Variants in BCAR3 observed in about 807,000 individuals in gnomAD.
The protein encoded by BCAR3 is BCAR3 adaptor protein, NSP family member.
A neutral mutation model predicts 80.1 loss-of-function variants in BCAR3; 37 were observed. The ratio of observed to expected loss-of-function variants is 0.46; its 90% confidence interval spans 0.36 to 0.61. BCAR3 has a LOEUF of 0.61. Among genes scored for constraint, BCAR3 ranks in the 20% least tolerant of loss-of-function variants. The pLI is 0.00. For synonymous variants in BCAR3, 389 were observed against 418.9 expected (o/e 0.93, Z 0.87); for missense variants, 978 against 1,068.2 (o/e 0.92, Z 1.18).
intron 11 of BCAR3, among the ~76,000 whole-genome samples, chr1:93,566,878 C>A (rs1672973917): frequency 6.6e-6 from 1 of 152,142 alleles, no homozygotes; most frequent in African/African-American, 2.4e-5. Context: ...CAGGCACACA[C>A]CATCACGCCC....
intron 2 of BCAR3, among the ~76,000 whole-genome samples, chr1:93,774,369 A>G (rs1652464529): frequency 6.6e-6 from 1 of 152,040 alleles, no homozygotes; most frequent in Non-Finnish European, 1.5e-5. Context: ...CTGTAGTCCC[A>G]GCCACTCAGG....
At chr1:93,834,387 T>G (rs2100838863) in intron 2 of BCAR3, among the ~76,000 whole-genome samples, 1 of 152,222 alleles carries the variant, frequency 6.6e-6, no homozygotes, top group East Asian at 1.9e-4. Context: ...CTATTCTAGA[T>G]AAACCTAGCT....
chr1:93,568,027 A>T, intron 9 of BCAR3, 176 bp from the exon 10 acceptor site: 2 of 506,486 alleles, frequency 3.9e-6, no homozygotes, highest in African/African-American at 1.9e-5. Context: ...TCTCTACTCA[A>T]ATACAAAAAT....
rs541907285 is a variant in BCAR3, at chr1:93,644,163, C to A, written c.318-1820G>T. Among the ~76,000 whole-genome samples, 24 of 152,304 alleles carry A rather than the reference C, an allele frequency of 1.6e-4. No individual in the cohort carries two copies. The South Asian group carries it at 5.0e-3, about 32-fold the overall frequency. Reference sequence around the variant, plus strand: ...GTCCTTTGTGGGGGAAAATTTGCATCTGTAAAGAATCTCTAGTAACATAGC... The same window carrying A: ...GTCCTTTGTGGGGGAAAATTTGCATATGTAAAGAATCTCTAGTAACATAGC... On this transcript the variant is annotated intron_variant, in intron 2 of 11. Transcript: ENST00000260502.
chr1:93,614,321 T>C (rs942162155), intron 3 of BCAR3, among the ~76,000 whole-genome samples: 6 of 152,088 alleles, frequency 3.9e-5, no homozygotes, highest in Non-Finnish European at 1.5e-5. Context: ...ACCCAGAATT[T>C]CCTTCTGGGG....
chr1:93,576,116 A>G lies in BCAR3; in HGVS notation c.1700T>C (p.Leu567Pro), dbSNP rs150839082. The G allele has an allele frequency of 4.3e-6, 7 of 1,614,046 alleles. No homozygotes were observed. Among genetic ancestry groups the G allele is most frequent in the African/African-American group, 2.7e-5 (2 of 74,922 alleles). Residue 567 changes from leucine (L) to proline (P), a missense_variant, in exon 8 of 12, where the codon CTT (leucine) becomes CCT (proline). Leu to Pro is a moderately conservative substitution (Grantham distance 98, BLOSUM62 -3). Coordinates refer to ENST00000260502, the MANE Select transcript of BCAR3 (RefSeq NM_003567.4). ...CCTCCTCATCTCTTCAGAGACTCCA[A>G]GTATCCTAGCAACCTGTCAAGAGCC... ...LSMDCRVARI[L>P]GVSEEMRRNM...
chr1:93,576,080 AC>A lies in BCAR3; in HGVS notation c.1735del (p.Val579Ter). 6.2e-7 allele frequency: 1 copy of A among 1,613,958 alleles called. No homozygotes were observed. The highest frequency in any genetic ancestry group is 8.5e-7 in the Non-Finnish European group (1 of 1,179,996). On this transcript the variant is annotated frameshift_variant, in exon 8 of 12. Transcript: ENST00000260502. LOFTEE classifies it high-confidence loss of function. ...VSEEMRRNMG[V>X]SSGLELITLP... ...GGTAATGAGTTCCAGGCCTGAGCTC[AC>A]CCCCATGTTCCTCCTCATCTCTTCA...
chr1:93,665,237 C>T (rs777547171), intron 2 of BCAR3, among the ~76,000 whole-genome samples: 9 of 152,044 alleles, frequency 5.9e-5, no homozygotes, highest in Non-Finnish European at 1.0e-4. Context: ...TGTCCAGGAC[C>T]GCTGGGAAGA....
chr1:93,741,304 C>T (rs1651166407), intron 2 of BCAR3, among the ~76,000 whole-genome samples: 1 of 152,124 alleles, frequency 6.6e-6, no homozygotes, highest in Non-Finnish European at 1.5e-5. Context: ...ATGCCTGATA[C>T]CTCCACAAAG....
chr1:93,607,983 G>C (rs1007221182), intron 3 of BCAR3, among the ~76,000 whole-genome samples: 2 of 152,220 alleles, frequency 1.3e-5, no homozygotes, highest in Non-Finnish European at 2.9e-5. Flanking sequence ...GGTAGGCTGG[G>C]GAAGGGCGAT....
chr1:93,662,710 CAAGTAACCCCAGGAACTA>C (rs1647720283), intron 2 of BCAR3, among the ~76,000 whole-genome samples: 2 of 152,162 alleles, frequency 1.3e-5, no homozygotes, highest in South Asian at 4.1e-4. Context: ...AGCTTCCAAC[CAAGTAACCCCAGGAACTA>C]AAGTTAATCT....
intron 2 of BCAR3, among the ~76,000 whole-genome samples, chr1:93,647,632 A>T (rs1302228169): frequency 6.6e-6 from 1 of 152,204 alleles, no homozygotes; most frequent in Non-Finnish European, 1.5e-5. Flanking sequence ...CTGCTTCCAA[A>T]GAGACCCTCA....
At chr1:93,568,608 A>C (rs1255285035) in intron 9 of BCAR3, among the ~76,000 whole-genome samples, 1 of 152,212 alleles carries the variant, frequency 6.6e-6, no homozygotes, top group Non-Finnish European at 1.5e-5. Flanking sequence ...AAGCTCTTGA[A>C]ATAAAACTGG....
At chr1:93,726,110 A>T (rs962238655) in intron 2 of BCAR3, among the ~76,000 whole-genome samples, 2 of 151,860 alleles carry the variant, frequency 1.3e-5, no homozygotes, top group South Asian at 4.2e-4. Flanking sequence ...TCAGTTGCCC[A>T]CGCTGGAGTG....
chr1:93,747,793 C>A lies in BCAR3; in HGVS notation c.-62-41651G>T, dbSNP rs148263627. 1.1e-3 allele frequency among the ~76,000 whole-genome samples: 172 copies of A among 151,826 alleles called. 6 individuals carry two copies. The highest frequency in any genetic ancestry group is 4.0e-3 in the African/African-American group (163 of 41,100). On this transcript the variant is annotated intron_variant, in intron 2 of 13. Transcript: ENST00000370244. ...TTAGCATGACACTCAGGTTCCATCTCCTGCCACTTCCCCCAGTGTGCTATG... is the reference window on the plus strand; with the variant it reads ...TTAGCATGACACTCAGGTTCCATCTACTGCCACTTCCCCCAGTGTGCTATG...
At chr1:93,602,832 G>C (rs1366433383) in intron 3 of BCAR3, among the ~76,000 whole-genome samples, 1 of 152,176 alleles carries the variant, frequency 6.6e-6, no homozygotes, top group Non-Finnish European at 1.5e-5. Context: ...TTGAAGACCA[G>C]TTACTTCTAG....
intron 3 of BCAR3, among the ~76,000 whole-genome samples, chr1:93,699,425 TA>T (rs1364665330): frequency 6.6e-6 from 1 of 152,116 alleles, no homozygotes; most frequent in Non-Finnish European, 1.5e-5. Context: ...TGGGGACATT[TA>T]CACTCCTTGC....
chr1:93,679,541 G>A (rs1648655452), intron 1 of BCAR3, among the ~76,000 whole-genome samples: 1 of 152,168 alleles, frequency 6.6e-6, no homozygotes, highest in South Asian at 2.1e-4. Context: ...TCTCTCTACT[G>A]TGCAGGAAAA....
chr1:93,619,002 G>A (rs1407306559), intron 3 of BCAR3, among the ~76,000 whole-genome samples: 1 of 149,624 alleles, frequency 6.7e-6, no homozygotes. Context: ...GCAGTGGCGC[G>A]ATCTTGGCTC....
Sources: gnomAD v4.1 joint callset for allele counts (sites outside exome capture counted in the v4.1 genomes callset) on GRCh38, gnomAD v4.1.1 for gene constraint, MANE v1.5 for transcripts, NCBI Gene and HGNC (gene_info 2026-07-23, HGNC 2026-07-21) for gene names.